Variants in CAMK2A observed in about 807,000 individuals in gnomAD.
CAMK2A encodes the protein calcium/calmodulin dependent protein kinase II alpha.
In CAMK2A, 7 loss-of-function variants were observed where a neutral mutation model predicts 79.2. The ratio of observed to expected loss-of-function variants is 0.09; its 90% CI spans 0.05 to 0.17. CAMK2A has a LOEUF of 0.17. Ranked by LOEUF, CAMK2A falls within the 10% of genes least tolerant of loss-of-function variation. CAMK2A has a pLI of 1.00. For synonymous variants in CAMK2A, 242 were observed against 251.7 expected (o/e 0.96, Z 0.36); for missense variants, 214 against 646.4 (o/e 0.33, Z 7.25).
intron 3 of CAMK2A, among the ~76,000 whole-genome samples, chr5:150,264,516 T>C (rs992795857): frequency 1.3e-5 from 2 of 152,226 alleles, no homozygotes; most frequent in African/African-American, 4.8e-5. Context: ...GTGCCCGGCC[T>C]GTGGGCCAGG....
chr5:150,286,488 C>T (rs1294214665), intron 1 of CAMK2A, among the ~76,000 whole-genome samples: 1 of 152,240 alleles, frequency 6.6e-6, no homozygotes, highest in African/African-American at 2.4e-5. Context: ...AGAAGCCCTC[C>T]AGAGGGATTT....
rs140377277 is a variant in CAMK2A, at chr5:150,277,072, A to T, written c.63-3913T>A. ...TGGCGAAACCCCATCTCTACTGCTG[A>T]GCATGGTGGTACACATCTGTGGTCC... On this transcript the variant is annotated intron_variant, in intron 1 of 18. Transcript: ENST00000671881. Among the ~76,000 whole-genome samples, 153 of 152,248 alleles carry T rather than the reference A, an allele frequency of 1.0e-3. 6 individuals carry two copies. The East Asian group carries it at 0.021, about 21-fold the overall frequency.
At chr5:150,265,050 G>A in intron 2 of CAMK2A, 35 bp from the exon 3 acceptor site, 2 of 1,510,034 alleles carry the variant, frequency 1.3e-6, no homozygotes, top group Non-Finnish European at 1.8e-6. Flanking sequence ...TCCCCGGTGA[G>A]GAAGGAACCA....
Position 150,250,738 on chromosome 5 carries a change from G to A in CAMK2A, c.766C>T (p.Pro256Ser). Residue 256 changes from proline to serine, a missense_variant, in exon 10 of 19, where the codon CCA becomes TCA. Pro to Ser is a moderately conservative substitution (Grantham distance 74). Coordinates refer to ENST00000671881, the MANE Select transcript of CAMK2A (RefSeq NM_015981.4). ...DLINKMLTIN[P>S]SKRITAAEAL... is the part of the protein sequence containing the mutation. ...TCGGCAGCTGTGATGCGTTTGGATGGGTTAATGGTCAGCATCTTATTGATC... is the reference window on the plus strand; with the variant it reads ...TCGGCAGCTGTGATGCGTTTGGATGAGTTAATGGTCAGCATCTTATTGATC... The A allele has an allele frequency of 6.2e-7, 1 of 1,614,160 alleles. No individual in the cohort carries two copies. The highest frequency in any genetic ancestry group is 8.5e-7 in the Non-Finnish European group (1 of 1,179,998).
chr5:150,255,031 C>T (rs987781177), intron 6 of CAMK2A, among the ~76,000 whole-genome samples: 10 of 152,124 alleles, frequency 6.6e-5, no homozygotes, highest in African/African-American at 2.2e-4. Flanking sequence ...TAGCTCCCTC[C>T]GCCTGGCTCA....
intron 7 of CAMK2A, among the ~76,000 whole-genome samples, chr5:150,253,089 T>C (rs558292217): frequency 6.6e-6 from 1 of 152,332 alleles, no homozygotes; most frequent in Non-Finnish European, 1.5e-5. Context: ...ATCAGGATAA[T>C]AATCTCAAGC....
At chr5:150,273,240 G>A in intron 1 of CAMK2A, 81 bp from the exon 2 acceptor site, 3 of 1,040,162 alleles carry the variant, frequency 2.9e-6, no homozygotes, top group Non-Finnish European at 4.5e-6. Flanking sequence ...TCACATCACT[G>A]CCCCACGCTA....
At chr5:150,247,005 G>A (rs565198236) in intron 12 of CAMK2A, among the ~76,000 whole-genome samples, 11 of 152,338 alleles carry the variant, frequency 7.2e-5, no homozygotes, top group Admixed American at 1.3e-4. Flanking sequence ...GAAGCCTCTG[G>A]AGGGCACTGG....
At chr5:150,286,848 C>T (rs1345821926) in intron 1 of CAMK2A, among the ~76,000 whole-genome samples, 1 of 152,232 alleles carries the variant, frequency 6.6e-6, no homozygotes, top group Non-Finnish European at 1.5e-5. Context: ...CCTTGCCCAG[C>T]CTTTGAGAAC....
At chr5:150,245,355 C>A in intron 12 of CAMK2A, 154 bp from the exon 13 acceptor site, 1 of 575,366 alleles carries the variant, frequency 1.7e-6, no homozygotes, top group Non-Finnish European at 2.9e-6. Flanking sequence ...CCTCCTCCTC[C>A]TCCTCCTCCT....
At chr5:150,257,450 T>G in intron 4 of CAMK2A, 113 bp downstream of exon 4, 1 of 911,402 alleles carries the variant, frequency 1.1e-6, no homozygotes, top group Non-Finnish European at 1.8e-6. Context: ...CCCACCACAT[T>G]TGGGGAAACT....
At chr5:150,271,320 CT>C (rs1403945885) in intron 2 of CAMK2A, among the ~76,000 whole-genome samples, 2 of 152,228 alleles carry the variant, frequency 1.3e-5, no homozygotes, top group Non-Finnish European at 2.9e-5. Context: ...CAGCCACCCC[CT>C]CTGCTGATCC....
At position 150,284,611 on chromosome 5, in the gene CAMK2A, G is replaced by A. The variant is rs543531357; in HGVS notation, c.62+4953C>T. On this transcript the variant is annotated intron_variant, in intron 1 of 18. Coordinates refer to ENST00000671881, the MANE Select transcript of CAMK2A (RefSeq NM_015981.4). This position sits in a 1 kb window ranked among gnomAD's most constrained non-coding sequence, Gnocchi z 5.3. The stretch of plus-strand genomic sequence containing the variant: ...GCACCAGAACATGTGCGTGCCTGCC[G>A]CTCTGATGGCTTGGAGGAGAGGGAG... Among the ~76,000 whole-genome samples the A allele has an allele frequency of 2.0e-5, 3 of 152,326 alleles. No individual in the cohort carries two copies. The highest frequency in any genetic ancestry group is 6.5e-5 in the Admixed American group (1 of 15,310).
At chr5:150,277,361 C>T (rs374860176) in intron 1 of CAMK2A, among the ~76,000 whole-genome samples, 23 of 152,206 alleles carry the variant, frequency 1.5e-4, no homozygotes, top group South Asian at 4.1e-4. Flanking sequence ...CAACGCCTTC[C>T]GGGGAAGTCC....
intron 6 of CAMK2A, among the ~76,000 whole-genome samples, chr5:150,255,915 AC>A (rs1392722208): frequency 6.6e-6 from 1 of 152,164 alleles, no homozygotes; most frequent in Non-Finnish European, 1.5e-5. Flanking sequence ...GACAATATGA[AC>A]TACCAGCCAC....
intron 13 of CAMK2A, among the ~76,000 whole-genome samples, chr5:150,243,128 C>G (rs1038524866): frequency 2.0e-5 from 3 of 152,214 alleles, no homozygotes; most frequent in Non-Finnish European, 4.4e-5. Flanking sequence ...CCTAAAAGAG[C>G]TAATAAGCAT....
intron 2 of CAMK2A, 124 bp downstream of exon 2, chr5:150,272,941 C>A: frequency 1.4e-6 from 1 of 725,948 alleles, no homozygotes; most frequent in Non-Finnish European, 2.5e-6. Context: ...GAAGAGCAGC[C>A]CCCACCCCTG....
intron 3 of CAMK2A, among the ~76,000 whole-genome samples, chr5:150,258,474 A>G (rs1014762801): frequency 6.6e-6 from 1 of 152,254 alleles, no homozygotes; most frequent in Non-Finnish European, 1.5e-5. Flanking sequence ...ATAATGCGGC[A>G]GTTATGTATC....
rs1757342610 is a variant in CAMK2A at position 150,284,492 on chromosome 5, G to A, written c.62+5072C>T. On this transcript the variant is annotated intron_variant, in intron 1 of 18. Coordinates refer to ENST00000671881, the MANE Select transcript of CAMK2A (RefSeq NM_015981.4). This position sits in a 1 kb window ranked among gnomAD's most constrained non-coding sequence, Gnocchi z 5.3. ...CACTGTGTGCTTGTGGAGGGAGGTG[G>A]GGAGGAAGGGAGGGAGGGAGGGAGG... 6.6e-6 allele frequency among the ~76,000 whole-genome samples: 1 copy of A among 152,112 alleles called. No homozygotes were observed. Among genetic ancestry groups the A allele is most frequent in the African/African-American group, 2.4e-5 (1 of 41,424 alleles).
Sources: gnomAD v4.1 joint callset for allele counts (sites outside exome capture counted in the v4.1 genomes callset) on GRCh38, gnomAD v4.1.1 for gene constraint, Gnocchi (gnomAD v3.1) non-coding constraint, MANE v1.5 for transcripts, NCBI Gene and HGNC (gene_info 2026-07-23, HGNC 2026-07-21) for gene names.